The following COL21A1 variants were observed in gnomAD, a reference collection of about 807,000 sequenced individuals.
The protein encoded by COL21A1 is collagen type XXI alpha 1 chain.
Under a neutral mutation model 137.9 loss-of-function variants are expected in COL21A1, and 149 were observed. The observed-to-expected ratio is 1.08, with a 90% CI of 0.95 to 1.24. The LOEUF (loss-of-function observed/expected upper bound fraction) is 1.24, where lower values mean the gene tolerates loss of function less well. Among genes scored for constraint, COL21A1 ranks in the 50% most tolerant of loss-of-function variants. The pLI is 0.00. For missense variants in COL21A1, 1,167 were observed against 1,158.4 expected, an observed-to-expected ratio of 1.01 and a Z score of -0.11; for synonymous variants, 456 against 391.5, an observed-to-expected ratio of 1.16 and a Z score of -1.95.
At chr6:56,117,303 T>G (rs975269042) in intron 16 of COL21A1, among the ~76,000 whole-genome samples, 7 of 152,012 alleles carry the variant, frequency 4.6e-5, no homozygotes, top group African/African-American at 1.7e-4. Flanking sequence ...CTAGCTATAT[T>G]TATGTCAGAC....
chr6:56,236,006 T>C (rs189921278), intron 1 of COL21A1, among the ~76,000 whole-genome samples: 1 of 152,078 alleles, frequency 6.6e-6, no homozygotes, highest in Non-Finnish European at 1.5e-5. Context: ...TTGAATTCAT[T>C]CATGTGAACT....
intron 17 of COL21A1, among the ~76,000 whole-genome samples, chr6:56,097,585 G>C (rs999622814): frequency 6.6e-6 from 1 of 150,490 alleles, no homozygotes; most frequent in Admixed American, 6.7e-5. Flanking sequence ...TCCCTGGAAT[G>C]GTAAATTATT....
In COL21A1 at chr6:56,097,650, G is replaced by C. The variant is rs1769468125; in HGVS notation, c.1812+3822C>G. Among the ~76,000 whole-genome samples the C allele has an allele frequency of 1.3e-5, 2 of 148,892 alleles. 1 individual carries two copies. The highest frequency in any genetic ancestry group is 4.2e-4 in the South Asian group (2 of 4,748). On this transcript the variant is annotated intron_variant, in intron 17 of 29. Transcript: ENST00000244728. ...TCTTGAATAAAGTGGGAGCAGGCAGGGCAAAAACAAACCCAAATCAGTGTC... is the reference window on the plus strand; with the variant it reads ...TCTTGAATAAAGTGGGAGCAGGCAGCGCAAAAACAAACCCAAATCAGTGTC...
chr6:56,381,126 G>T (rs1228680519), intron 1 of COL21A1, among the ~76,000 whole-genome samples: 1 of 152,016 alleles, frequency 6.6e-6, no homozygotes, highest in Non-Finnish European at 1.5e-5. Context: ...ATGCCAATCT[G>T]CTATATTTAG....
chr6:56,314,652 G>T (rs1220916907), intron 1 of COL21A1, among the ~76,000 whole-genome samples: 1 of 152,050 alleles, frequency 6.6e-6, no homozygotes. Flanking sequence ...TTAACAACAC[G>T]AAAAGCTTCT....
At chr6:56,213,112 A>G (rs1446382017) in intron 1 of COL21A1, among the ~76,000 whole-genome samples, 4 of 152,036 alleles carry the variant, frequency 2.6e-5, no homozygotes, top group South Asian at 2.1e-4. Context: ...TGATAAATCA[A>G]TTTGCACGTA....
chr6:56,283,451 A>C (rs967189445), intron 1 of COL21A1, among the ~76,000 whole-genome samples: 2 of 152,184 alleles, frequency 1.3e-5, no homozygotes, highest in African/African-American at 4.8e-5. Flanking sequence ...CACGGAACAA[A>C]AGCATACTTA....
At chr6:56,329,450 C>T (rs932486678) in intron 1 of COL21A1, among the ~76,000 whole-genome samples, 1 of 152,044 alleles carries the variant, frequency 6.6e-6, no homozygotes, top group Non-Finnish European at 1.5e-5. Flanking sequence ...TGTATAACCA[C>T]ATTGGACCAT....
chr6:56,084,782 A>G (rs966312264), intron 17 of COL21A1, among the ~76,000 whole-genome samples: 1 of 152,114 alleles, frequency 6.6e-6, no homozygotes, highest in African/African-American at 2.4e-5. Flanking sequence ...TAAAGATATT[A>G]AAGGTTGCGG....
At chr6:56,353,726 TAAG>T (rs1256412170) in intron 1 of COL21A1, among the ~76,000 whole-genome samples, 2 of 152,086 alleles carry the variant, frequency 1.3e-5, no homozygotes, top group African/African-American at 4.8e-5. Flanking sequence ...AGAAATTACC[TAAG>T]AATGCCAATA....
At chr6:56,136,621 C>A (rs532895074) in intron 12 of COL21A1, among the ~76,000 whole-genome samples, 1 of 152,000 alleles carries the variant, frequency 6.6e-6, no homozygotes, top group Admixed American at 6.6e-5. Context: ...TCAGTCAGGT[C>A]AAGATTATTT....
intron 16 of COL21A1, among the ~76,000 whole-genome samples, chr6:56,123,685 C>T (rs577422819): frequency 1.3e-4 from 20 of 152,304 alleles, no homozygotes; most frequent in African/African-American, 4.8e-4. Context: ...CTCTAATGCT[C>T]TCATGCCCAT....
At chr6:56,199,506 G>T (rs1482710327) in intron 1 of COL21A1, among the ~76,000 whole-genome samples, 1 of 151,958 alleles carries the variant, frequency 6.6e-6, no homozygotes, top group Non-Finnish European at 1.5e-5. Flanking sequence ...CTTCTTAGTG[G>T]TTTTCTAATG....
intron 21 of COL21A1, 87 bp downstream of exon 21, chr6:56,070,658 G>A: frequency 2.3e-6 from 2 of 874,822 alleles, no homozygotes; most frequent in Non-Finnish European, 3.5e-6. Context: ...TATCTCTTCA[G>A]AGATATAAAA....
intron 10 of COL21A1, among the ~76,000 whole-genome samples, chr6:56,153,375 G>A (rs2152253229): frequency 6.6e-6 from 1 of 152,092 alleles, no homozygotes; most frequent in East Asian, 1.9e-4. Context: ...CCTCCAACCT[G>A]CCTATGGATT....
intron 12 of COL21A1, among the ~76,000 whole-genome samples, chr6:56,132,003 T>C (rs1773589956): frequency 6.6e-6 from 1 of 151,988 alleles, no homozygotes; most frequent in South Asian, 2.1e-4. Context: ...ATTATACCTC[T>C]AATATGTCAA....
At chr6:56,390,142 T>C (rs2094026316) in intron 1 of COL21A1, among the ~76,000 whole-genome samples, 1 of 151,662 alleles carries the variant, frequency 6.6e-6, no homozygotes, top group South Asian at 2.1e-4. Flanking sequence ...ATAGACAATA[T>C]AAAAAGATAT....
chr6:56,140,284 T>C (rs1774318209), intron 12 of COL21A1, among the ~76,000 whole-genome samples: 1 of 152,200 alleles, frequency 6.6e-6, no homozygotes, highest in African/African-American at 2.4e-5. Context: ...TGAGTAAGTA[T>C]TCCTTTTGAT....
At chr6:56,250,304 A>C (rs1179117963), upstream of COL21A1, among the ~76,000 whole-genome samples, 1 of 152,226 alleles carries the variant, frequency 6.6e-6, no homozygotes, top group African/African-American at 2.4e-5. Flanking sequence ...GACTGTATGG[A>C]TGGGTTTGAT....
Sources: gnomAD v4.1 joint callset for allele counts (sites outside exome capture counted in the v4.1 genomes callset) on GRCh38, gnomAD v4.1.1 for gene constraint, MANE v1.5 for transcripts, NCBI Gene and HGNC (gene_info 2026-07-23, HGNC 2026-07-21) for gene names.